GFRA1: variants seen among roughly 807,000 people sequenced by gnomAD.
The protein encoded by GFRA1 is GDNF family receptor alpha-1.
GFRA1 carries 16 observed loss-of-function variants against 51.6 expected under a neutral mutation model. That is an observed-to-expected ratio of 0.31 (90% CI 0.21 to 0.47). The LOEUF is 0.47. GFRA1 is among the 20% of genes least tolerant of loss of function. The pLI is 1.00. For synonymous variants in GFRA1, 270 were observed against 241.3 expected, an observed-to-expected ratio of 1.12 and a Z score of -1.10; for missense variants, 530 against 594.3, an observed-to-expected ratio of 0.89 and a Z score of 1.13.
At chr10:116,167,133 T>C (rs1459186334) in intron 5 of GFRA1, among the ~76,000 whole-genome samples, 1 of 152,088 alleles carries the variant, frequency 6.6e-6, no homozygotes, top group Non-Finnish European at 1.5e-5. Flanking sequence ...TCCAACTGTG[T>C]CTTCTCAAGC....
chr10:116,140,177 G>T (rs1280410811), intron 5 of GFRA1, among the ~76,000 whole-genome samples: 1 of 152,184 alleles, frequency 6.6e-6, no homozygotes, highest in Non-Finnish European at 1.5e-5. Context: ...GAGGGGACTG[G>T]CTTGACTCAG....
chr10:116,077,035 G>C lies in GFRA1; in HGVS notation c.1198-11409C>G, dbSNP rs544115791. On this transcript the variant is annotated intron_variant, in intron 9 of 10. Coordinates refer to ENST00000355422, the MANE Select transcript of GFRA1 (RefSeq NM_005264.8). ...CACTTTATAGAATAGTAAACTATGA[G>C]TTATTTGGAGGTATTCATAAGAGAC... Among the ~76,000 whole-genome samples the C allele has an allele frequency of 6.6e-5, 10 of 152,270 alleles. No individual in the cohort carries two copies. In the South Asian group the frequency reaches 1.9e-3, roughly 28 times the overall value.
chr10:116,074,438 A>G (rs1955530671), intron 9 of GFRA1, among the ~76,000 whole-genome samples: 1 of 152,242 alleles, frequency 6.6e-6, no homozygotes, highest in Non-Finnish European at 1.5e-5. Context: ...CAGGCAGCAC[A>G]GAATCAACAG....
chr10:116,137,686 G>A (rs1958388729), intron 5 of GFRA1, among the ~76,000 whole-genome samples: 1 of 152,234 alleles, frequency 6.6e-6, no homozygotes, highest in Non-Finnish European at 1.5e-5. Flanking sequence ...GCCAGTTTGT[G>A]AGAAGAGAGC....
chr10:116,205,926 T>TCACACACACACACACACACA (rs55780139), intron 5 of GFRA1, among the ~76,000 whole-genome samples: 2 of 142,484 alleles, frequency 1.4e-5, no homozygotes, highest in Non-Finnish European at 1.5e-5. Context: ...TTTCCTCATA[T>TCACACACACACACACACACA]CACACACACA....
chr10:116,180,136 C>T (rs1962066781), intron 5 of GFRA1, among the ~76,000 whole-genome samples: 1 of 152,122 alleles, frequency 6.6e-6, no homozygotes. Flanking sequence ...ATTCAGATAC[C>T]ACCTTTTTGA....
intron 5 of GFRA1, among the ~76,000 whole-genome samples, chr10:116,148,044 G>GTGTGCATGCA (rs1958890019): frequency 1.5e-5 from 1 of 67,224 alleles, no homozygotes; most frequent in Admixed American, 1.7e-4. Context: ...GTGCATGTGC[G>GTGTGCATGCA]TGTGTGCATG....
At chr10:116,215,607 G>A (rs937056974) in intron 4 of GFRA1, among the ~76,000 whole-genome samples, 3 of 152,170 alleles carry the variant, frequency 2.0e-5, no homozygotes, top group Non-Finnish European at 2.9e-5. Flanking sequence ...CCATTCCATC[G>A]GTTGCTGTGG....
chr10:116,231,272 C>T (rs546975375), intron 4 of GFRA1, among the ~76,000 whole-genome samples: 19 of 152,236 alleles, frequency 1.2e-4, no homozygotes, highest in African/African-American at 4.1e-4. Flanking sequence ...GTCTGACAGA[C>T]GACCTAGGTT....
At chr10:116,186,619 C>T (rs1053807836) in intron 5 of GFRA1, among the ~76,000 whole-genome samples, 1 of 150,900 alleles carries the variant, frequency 6.6e-6, no homozygotes, top group African/African-American at 2.4e-5. Context: ...TACTGTTTCC[C>T]ATCCAATTAC....
At chr10:116,203,682 G>A (rs1030401811) in intron 5 of GFRA1, among the ~76,000 whole-genome samples, 6 of 152,174 alleles carry the variant, frequency 3.9e-5, no homozygotes, top group African/African-American at 1.4e-4. Flanking sequence ...TCTAGCCCGA[G>A]GACAAACTCA....
chr10:116,224,610 G>A (rs1338330629), intron 4 of GFRA1, among the ~76,000 whole-genome samples: 2 of 152,096 alleles, frequency 1.3e-5, no homozygotes, highest in African/African-American at 4.8e-5. Context: ...CGTATTGTGT[G>A]GTTCTATTTA....
At chr10:116,169,230 G>A (rs1740100811) in intron 5 of GFRA1, among the ~76,000 whole-genome samples, 1 of 152,236 alleles carries the variant, frequency 6.6e-6, no homozygotes, top group Non-Finnish European at 1.5e-5. Flanking sequence ...TTGATGACTA[G>A]AGTTCACTTT....
At chr10:116,105,592 A>T (rs1276950447) in intron 6 of GFRA1, among the ~76,000 whole-genome samples, 1 of 152,176 alleles carries the variant, frequency 6.6e-6, no homozygotes, top group Non-Finnish European at 1.5e-5. Flanking sequence ...TGTAGCTGTG[A>T]TGTGGCAGAA....
intron 4 of GFRA1, among the ~76,000 whole-genome samples, chr10:116,224,731 G>C (rs557490032): frequency 6.6e-6 from 1 of 152,238 alleles, no homozygotes; most frequent in East Asian, 1.9e-4. Flanking sequence ...TTTTTAAGGA[G>C]GTAATGAAAA....
intron 5 of GFRA1, among the ~76,000 whole-genome samples, chr10:116,159,987 G>A (rs114657692): frequency 0.025 from 3,741 of 152,174 alleles, 41 homozygotes; most frequent in African/African-American, 0.035. Context: ...ACAAAATCAC[G>A]TGAAATTTAC....
At chr10:116,125,600 T>A in intron 5 of GFRA1, 43 bp from the exon 6 acceptor site, 3 of 1,434,872 alleles carry the variant, frequency 2.1e-6, no homozygotes, top group Non-Finnish European at 1.9e-6. Context: ...AGTGCTCGGC[T>A]CTGTGTTCTC....
At chr10:116,172,361 T>C (rs1286558966) in intron 5 of GFRA1, among the ~76,000 whole-genome samples, 4 of 151,934 alleles carry the variant, frequency 2.6e-5, no homozygotes. Context: ...ATTGAAGTGG[T>C]ATGGGAGAGC....
chr10:116,178,299 C>G (rs1409949222), intron 5 of GFRA1, among the ~76,000 whole-genome samples: 2,933 of 138,598 alleles, frequency 0.021, 77 homozygotes, highest in African/African-American at 0.059. Context: ...CACAAGGGGC[C>G]GGGGGGGCGT....
Sources: allele counts gnomAD v4.1 joint callset (sites outside exome capture counted in the v4.1 genomes callset), GRCh38; gene constraint gnomAD v4.1.1; transcripts MANE v1.5; gene names NCBI Gene and HGNC (gene_info 2026-07-23, HGNC 2026-07-21).